The following BMPR1A variants were observed in gnomAD, a reference collection of about 807,000 sequenced individuals.
The protein encoded by BMPR1A is bone morphogenetic protein receptor type 1A, also known as bone morphogenetic protein receptor type-1A.
Under a neutral mutation model 66.0 loss-of-function variants are expected in BMPR1A, and 7 were observed. The ratio of observed to expected loss-of-function variants is 0.11; its 90% CI spans 0.06 to 0.20. BMPR1A has a LOEUF of 0.20. BMPR1A is among the 10% of genes least tolerant of loss of function. The probability of loss-of-function intolerance (pLI) is 1.00; values close to 1 mark genes in which losing one functional copy is unlikely to be tolerated. For missense variants in BMPR1A, 408 were observed against 669.1 expected, an observed-to-expected ratio of 0.61 and a Z score of 4.31; for synonymous variants, 200 against 229.7, an observed-to-expected ratio of 0.87 and a Z score of 1.17.
intron 2 of BMPR1A, among the ~76,000 whole-genome samples, chr10:86,859,984 T>C (rs982711020): frequency 1.3e-5 from 2 of 152,168 alleles, no homozygotes; most frequent in Non-Finnish European, 2.9e-5. Flanking sequence ...GCCGCATTGC[T>C]TATACTAAAT....
chr10:86,843,239 G>A (rs1842447563), intron 2 of BMPR1A, among the ~76,000 whole-genome samples: 1 of 152,004 alleles, frequency 6.6e-6, no homozygotes, highest in South Asian at 2.1e-4. Context: ...CTCTTCTCTT[G>A]GCATATTTTT....
At chr10:86,867,109 C>T (rs1842796507) in intron 2 of BMPR1A, among the ~76,000 whole-genome samples, 1 of 152,148 alleles carries the variant, frequency 6.6e-6, no homozygotes, top group Non-Finnish European at 1.5e-5. Flanking sequence ...TCTTTACCAC[C>T]ACATTAAACT....
chr10:86,810,699 A>T (rs754572710), intron 1 of BMPR1A, among the ~76,000 whole-genome samples: 1 of 152,204 alleles, frequency 6.6e-6, no homozygotes, highest in Admixed American at 6.5e-5. Flanking sequence ...GCTCATATGC[A>T]TATGTTCTTT....
At chr10:86,821,493 G>A (rs888452204) in intron 1 of BMPR1A, among the ~76,000 whole-genome samples, 3 of 152,090 alleles carry the variant, frequency 2.0e-5, no homozygotes, top group African/African-American at 7.2e-5. Flanking sequence ...TTTTTTAAAT[G>A]TGGATTTTTA....
chr10:86,805,365 C>T (rs1841874028), intron 1 of BMPR1A, among the ~76,000 whole-genome samples: 1 of 139,190 alleles, frequency 7.2e-6, no homozygotes, highest in East Asian at 2.3e-4. Context: ...TCTGTCTCTT[C>T]ACTCCTACCT....
intron 2 of BMPR1A, chr10:86,855,196 A>T: frequency 1.5e-6 from 1 of 653,142 alleles, no homozygotes; most frequent in Non-Finnish European, 2.4e-6. Flanking sequence ...GAGCCACCAC[A>T]CCCTGCGTCG....
chr10:86,923,018 A>C (rs949949149), intron 11 of BMPR1A, among the ~76,000 whole-genome samples: 2 of 152,262 alleles, frequency 1.3e-5, no homozygotes, highest in Admixed American at 6.5e-5. Context: ...CTGCAGAGCA[A>C]AATGAAACAA....
At chr10:86,915,369 T>C (rs1258186055) in intron 8 of BMPR1A, among the ~76,000 whole-genome samples, 1 of 152,236 alleles carries the variant, frequency 6.6e-6, no homozygotes, top group African/African-American at 2.4e-5. Flanking sequence ...AAATATTCTG[T>C]ATCTTAATTG....
chr10:86,847,350 G>C (rs544828877), intron 2 of BMPR1A, among the ~76,000 whole-genome samples: 2 of 151,350 alleles, frequency 1.3e-5, no homozygotes, highest in Non-Finnish European at 2.9e-5. Flanking sequence ...GGTTTCAACT[G>C]TGAAAGGTAA....
At position 86,816,345 on chromosome 10, in the gene BMPR1A, T is replaced by C. The variant is rs563643610; in HGVS notation, c.-267-22520T>C. Among the ~76,000 whole-genome samples, 53 of 152,362 alleles carry C rather than the reference T, an allele frequency of 3.5e-4. No homozygotes were observed. In the South Asian group the frequency reaches 7.9e-3, roughly 23 times the overall value. On this transcript the variant is annotated intron_variant, in intron 1 of 12. Transcript: ENST00000372037. The stretch of plus-strand genomic sequence containing the variant: ...TTTTCAGCTTTCTCTTTAGTTTTTT[T>C]CATGAAGCTGCTTAGAAAATTTAAA...
intron 4 of BMPR1A, among the ~76,000 whole-genome samples, chr10:86,891,049 C>G (rs979051173): frequency 3.0e-4 from 46 of 152,252 alleles, no homozygotes; most frequent in African/African-American, 1.0e-3. Flanking sequence ...ATGTTTTATA[C>G]TTTTAATAAT....
In BMPR1A at chr10:86,757,323, G is replaced by A. The variant is rs9943394; in HGVS notation, c.-268+404G>A. 0.017 allele frequency among the ~76,000 whole-genome samples: 2,541 copies of A among 152,174 alleles called. 77 individuals carry two copies. The highest frequency in any genetic ancestry group is 0.058 in the African/African-American group (2,420 of 41,528). ...GGAGGAACAGGGGAGAACAAAATGA[G>A]TTTCGGGCGGGGGTCGAGTGAGAGG... On this transcript the variant is annotated intron_variant, in intron 1 of 12. Coordinates refer to ENST00000372037, the MANE Select transcript of BMPR1A (RefSeq NM_004329.3).
intron 7 of BMPR1A, among the ~76,000 whole-genome samples, chr10:86,908,037 T>C (rs1278507315): frequency 6.6e-6 from 1 of 152,072 alleles, no homozygotes; most frequent in Non-Finnish European, 1.5e-5. Context: ...ACCACATCTC[T>C]ACAAAAAAAT....
intron 3 of BMPR1A, among the ~76,000 whole-genome samples, chr10:86,877,296 C>T (rs1209427856): frequency 2.0e-5 from 3 of 151,868 alleles, no homozygotes; most frequent in African/African-American, 4.8e-5. Flanking sequence ...CAAGCTCCGC[C>T]TCCCGGGTTC....
chr10:86,858,440 G>C (rs1017198221), intron 2 of BMPR1A, among the ~76,000 whole-genome samples: 1 of 152,138 alleles, frequency 6.6e-6, no homozygotes, highest in Non-Finnish European at 1.5e-5. Context: ...GATGAAGACT[G>C]GAAGTCCTAG....
intron 2 of BMPR1A, chr10:86,856,275 GT>G: frequency 1.9e-6 from 1 of 515,608 alleles, no homozygotes; most frequent in Non-Finnish European, 3.9e-6. Context: ...GTACTTGTCT[GT>G]TTAGTACCTG....
chr10:86,767,385 CAT>C (rs1841183070), intron 1 of BMPR1A, among the ~76,000 whole-genome samples: 1 of 152,070 alleles, frequency 6.6e-6, no homozygotes, highest in Admixed American at 6.6e-5. Context: ...GCTACTGCAA[CAT>C]AAAAATTATT....
intron 1 of BMPR1A, among the ~76,000 whole-genome samples, chr10:86,790,234 T>TATATATATATATATGTAA (rs1190481905): frequency 2.1e-5 from 1 of 48,018 alleles, no homozygotes. Context: ...TATATATATA[T>TATATATATATATATGTAA]ATCAAAACCA....
At position 86,797,068 on chromosome 10, in the gene BMPR1A, C is replaced by CTTTTCTTT. The variant is rs1554879657; in HGVS notation, c.-268+40153_-268+40154insCTTTTTTT. On this transcript the variant is annotated intron_variant, in intron 1 of 12. Coordinates refer to ENST00000372037, the MANE Select transcript of BMPR1A (RefSeq NM_004329.3). ...TTTTCCTTTCTTTTTCTTTTCTTTT[C>CTTTTCTTT]TTTTTTTTTTTTTTTTGAGACAGTC... 8.1e-4 allele frequency among the ~76,000 whole-genome samples: 85 copies of CTTTTCTTT among 105,034 alleles called. 1 individual carries two copies. The highest frequency in any genetic ancestry group is 2.8e-3 in the African/African-American group (85 of 30,496). 68.9% of individuals were successfully genotyped at this position (105,034 alleles called of 152,430 possible). A position where few individuals can be genotyped will look rare whatever the true frequency, so the allele number is the denominator to read the frequency against.
Sources: allele counts gnomAD v4.1 joint callset (sites outside exome capture counted in the v4.1 genomes callset), GRCh38; gene constraint gnomAD v4.1.1; transcripts MANE v1.5; gene names NCBI Gene and HGNC (gene_info 2026-07-23, HGNC 2026-07-21).